Variants in ARHGEF38 observed in about 807,000 individuals in gnomAD.
The protein encoded by ARHGEF38 is Rho guanine nucleotide exchange factor (GEF) 38.
ARHGEF38 carries 79 observed loss-of-function variants against 79.9 expected under a neutral mutation model. The observed-to-expected ratio is 0.99, with a 90% CI of 0.82 to 1.19. The LOEUF is 1.19. Among genes scored for constraint, ARHGEF38 ranks in the 50% most tolerant of loss-of-function variants. ARHGEF38 has a pLI of 0.00. For synonymous variants in ARHGEF38, 366 were observed against 328.3 expected, an observed-to-expected ratio of 1.11 and a Z score of -1.24; for missense variants, 962 against 907.2, an observed-to-expected ratio of 1.06 and a Z score of -0.78.
chr4:105,593,887 T>A (rs1317620898), intron 2 of ARHGEF38, among the ~76,000 whole-genome samples: 1 of 152,234 alleles, frequency 6.6e-6, no homozygotes, highest in East Asian at 1.9e-4. Flanking sequence ...TTTATGGTCG[T>A]TTATTTGGCA....
At chr4:105,650,411 G>A (rs572843559) in intron 7 of ARHGEF38, among the ~76,000 whole-genome samples, 41 of 152,062 alleles carry the variant, frequency 2.7e-4, no homozygotes, top group Admixed American at 8.5e-4. Flanking sequence ...TATCTCCCCT[G>A]CCCTAAATCA....
At chr4:105,616,299 G>C (rs968564910) in intron 3 of ARHGEF38, among the ~76,000 whole-genome samples, 2 of 152,040 alleles carry the variant, frequency 1.3e-5, no homozygotes. Context: ...CTGCTATAAA[G>C]AACTACCTGA....
chr4:105,556,572 T>C (rs1000555730), intron 1 of ARHGEF38, among the ~76,000 whole-genome samples: 1 of 152,176 alleles, frequency 6.6e-6, no homozygotes, highest in Non-Finnish European at 1.5e-5. Flanking sequence ...TAGCTCTGTC[T>C]GAAATGGTTT....
downstream of ARHGEF38, chr4:105,681,024 A>G (rs1731292800): frequency 1.3e-5 from 2 of 152,074 alleles, no homozygotes; most frequent in South Asian, 4.1e-4. Context: ...ACAATTATGG[A>G]TATGTATTTT....
intron 13 of ARHGEF38, among the ~76,000 whole-genome samples, chr4:105,670,001 C>T (rs1730906899): frequency 6.6e-6 from 1 of 152,008 alleles, no homozygotes; most frequent in African/African-American, 2.4e-5. Flanking sequence ...ACTAATATTC[C>T]ATTCTGTGGG....
chr4:105,574,727 AT>A (rs1328905007), intron 1 of ARHGEF38, among the ~76,000 whole-genome samples: 1 of 151,846 alleles, frequency 6.6e-6, no homozygotes, highest in Non-Finnish European at 1.5e-5. Context: ...GATTAAAAAA[AT>A]TTTTTATTTC....
At chr4:105,642,944 G>C (rs926387740) in intron 5 of ARHGEF38, among the ~76,000 whole-genome samples, 1 of 151,928 alleles carries the variant, frequency 6.6e-6, no homozygotes, top group Non-Finnish European at 1.5e-5. Flanking sequence ...CTCTAATCAA[G>C]TTAATACCTT....
chr4:105,627,083 C>T (rs1360240434), intron 3 of ARHGEF38, among the ~76,000 whole-genome samples: 3 of 152,166 alleles, frequency 2.0e-5, no homozygotes, highest in Non-Finnish European at 4.4e-5. Context: ...TCAGTCTTCT[C>T]TCTCTCCCTT....
At chr4:105,566,885 C>T (rs1725947208) in intron 1 of ARHGEF38, among the ~76,000 whole-genome samples, 1 of 152,028 alleles carries the variant, frequency 6.6e-6, no homozygotes, top group African/African-American at 2.4e-5. Flanking sequence ...TCCCGAGTAG[C>T]TGGGATTACA....
At position 105,552,772 on chromosome 4, in the gene ARHGEF38, C is replaced by T. The variant is rs1218214002; in HGVS notation, c.7C>T (p.Pro3Ser). Residue 3 changes from proline (P) to serine (S), a missense_variant, in exon 1 of 14, where the codon CCC (proline) becomes TCC (serine). Coordinates refer to ENST00000420470, the MANE Select transcript of ARHGEF38 (RefSeq NM_001242729.2). ...AAGCTTGTCTTTGCCTAATATGGAG[C>T]CCAAAGAAGCCACTGGGAAAGAAAA... MEPKEATGKENMV... is the reference protein window; with the variant it reads MESKEATGKENMV... 1.9e-6 allele frequency: 3 copies of T among 1,608,054 alleles called. No individual in the cohort carries two copies. Among genetic ancestry groups the T allele is most frequent in the Non-Finnish European group, 2.5e-6 (3 of 1,177,850 alleles).
intron 3 of ARHGEF38, 57 bp downstream of exon 3, chr4:105,613,564 C>G (rs1578312065): frequency 3.2e-6 from 5 of 1,586,592 alleles, no homozygotes; most frequent in South Asian, 2.3e-5. Flanking sequence ...TTTTTAATAA[C>G]CTCCCTTTGC....
rs1325128572 is a variant in ARHGEF38, at chr4:105,589,599, C to T, written c.384+164C>T. Reference sequence around the variant, plus strand: ...TTACAGTTTAGTACAAAACAAAGTCCTGCCCTTGTGGAGTTCACTTTCTAG... The same window carrying T: ...TTACAGTTTAGTACAAAACAAAGTCTTGCCCTTGTGGAGTTCACTTTCTAG... On this transcript the variant is annotated intron_variant, in intron 2 of 13. Transcript: ENST00000420470. Among the ~76,000 whole-genome samples the T allele has an allele frequency of 3.3e-5, 5 of 152,102 alleles. No homozygotes were observed. The East Asian group carries it at 7.7e-4, about 23-fold the overall frequency.
chr4:105,627,595 C>T (rs1729001130), intron 3 of ARHGEF38, among the ~76,000 whole-genome samples: 1 of 151,926 alleles, frequency 6.6e-6, no homozygotes, highest in African/African-American at 2.4e-5. Flanking sequence ...TGCAGAAATT[C>T]TTGGGTTGTA....
At chr4:105,654,580 A>T (rs1578351519) in intron 8 of ARHGEF38, among the ~76,000 whole-genome samples, 2 of 152,226 alleles carry the variant, frequency 1.3e-5, no homozygotes, top group African/African-American at 4.8e-5. Flanking sequence ...AAATTGAACT[A>T]CAAAATCCTA....
chr4:105,555,447 T>A (rs1473251041), intron 1 of ARHGEF38, among the ~76,000 whole-genome samples: 1 of 152,170 alleles, frequency 6.6e-6, no homozygotes, highest in African/African-American at 2.4e-5. Flanking sequence ...GCGTTTGTTC[T>A]CTGGCCTGTA....
At chr4:105,593,106 TATTC>T (rs1361550138) in intron 2 of ARHGEF38, among the ~76,000 whole-genome samples, 5 of 152,212 alleles carry the variant, frequency 3.3e-5, no homozygotes, top group Non-Finnish European at 5.9e-5. Flanking sequence ...GAATCATCTA[TATTC>T]ATTGTCTATT....
rs561329360 is a variant in ARHGEF38 at position 105,660,434 on chromosome 4, C to CT, written c.1545+1083dup. 9.1e-3 allele frequency among the ~76,000 whole-genome samples: 1,279 copies of CT among 139,868 alleles called. 8 individuals carry two copies. Among genetic ancestry groups the CT allele is most frequent in the African/African-American group, 0.024 (931 of 38,232 alleles). The allele number at this position is 139,868 out of a possible 152,430, so 91.8% of individuals were successfully genotyped here. A position where few individuals can be genotyped will look rare whatever the true frequency, so the allele number is the denominator to read the frequency against. On this transcript the variant is annotated intron_variant, in intron 10 of 13. Coordinates refer to ENST00000420470, the MANE Select transcript of ARHGEF38 (RefSeq NM_001242729.2). ...ATAGTACATAAAGAGCTTCCTCATT[C>CT]TTTTTTTTTTTTTTGGTGGGGGGGG...
In ARHGEF38 at chr4:105,659,215, G is replaced by T. The variant is rs1279491045; in HGVS notation, c.1395G>T (p.Glu465Asp). The T allele has an allele frequency of 2.0e-6, 3 of 1,536,022 alleles. No homozygotes were observed. The highest frequency in any genetic ancestry group is 2.6e-6 in the Non-Finnish European group (3 of 1,146,888). Reference protein sequence around the residue: ...TGEESDLAKKEYEALNAQLVE... With the variant: ...TGEESDLAKKDYEALNAQLVE... ...AGGAGTCAGACTTGGCCAAAAAGGA[G>T]TATGAGGCCCTCAACGCCCAGCTTG... Residue 465 changes from glutamate to aspartate, a missense_variant, in exon 10 of 14, where the codon GAG (glutamate) becomes GAT (aspartate). Coordinates refer to ENST00000420470, the MANE Select transcript of ARHGEF38 (RefSeq NM_001242729.2).
rs565236803 is a variant in ARHGEF38 at position 105,578,806 on chromosome 4, G to T, written c.197-10442G>T. On this transcript the variant is annotated intron_variant, in intron 1 of 13. Coordinates refer to ENST00000420470, the MANE Select transcript of ARHGEF38 (RefSeq NM_001242729.2). ...ATTTATATGAATCTTTACATTTTAG[G>T]TAAGTCTCTGGAAGACAGTTGATAT... Among the ~76,000 whole-genome samples the T allele has an allele frequency of 2.6e-5, 4 of 151,934 alleles. No homozygotes were observed. The East Asian group carries it at 5.8e-4, about 22-fold the overall frequency.
Sources: allele counts gnomAD v4.1 joint callset (sites outside exome capture counted in the v4.1 genomes callset), GRCh38; gene constraint gnomAD v4.1.1; transcripts MANE v1.5; gene names NCBI Gene and HGNC (gene_info 2026-07-23, HGNC 2026-07-21).